The following MTMR8 variants were observed in gnomAD, a reference collection of about 807,000 sequenced individuals.
MTMR8 encodes the protein myotubularin related protein 8.
A neutral mutation model predicts 39.3 loss-of-function variants in MTMR8; 65 were observed. The ratio of observed to expected loss-of-function variants is 1.65; its 90% confidence interval spans 1.35 to 2.03. The LOEUF is 2.03. Ranked by LOEUF, MTMR8 falls within the 30% of genes most tolerant of loss-of-function variation. The probability of loss-of-function intolerance (pLI) is 0.00; values close to 1 mark genes in which losing one functional copy is unlikely to be tolerated. For synonymous variants in MTMR8, 245 were observed against 185.2 expected (o/e 1.32, Z -2.62); for missense variants, 777 against 538.9 (o/e 1.44, Z -4.37).
chrX:64,362,472 A>G (rs1383957522), intron 1 of MTMR8, among the ~76,000 whole-genome samples: 2 of 48,441 alleles, frequency 4.1e-5, no homozygotes, highest in African/African-American at 9.9e-5. Flanking sequence ...ACTATTGCAG[A>G]AAAAAAAAAA....
rs1490137168 is a variant in MTMR8, at chrX:64,308,920, G to A, written c.1481+19852C>T. ...AAAGCTGAGTTGATTATATTTCTGTGGGTCAATTTCTGGGCTCTCCATTCT... is the reference window on the plus strand; with the variant it reads ...AAAGCTGAGTTGATTATATTTCTGTAGGTCAATTTCTGGGCTCTCCATTCT... On this transcript the variant is annotated intron_variant, in intron 12 of 13. Coordinates refer to ENST00000374852, the MANE Select transcript of MTMR8 (RefSeq NM_017677.4). 2.7e-5 allele frequency among the ~76,000 whole-genome samples: 3 copies of A among 111,643 alleles called. No individual in the cohort carries two copies. The East Asian group carries it at 8.4e-4, about 31-fold the overall frequency.
In MTMR8 at chrX:64,375,897, G is replaced by A. The variant is rs375263093; in HGVS notation, c.25-16370C>T. Among the ~76,000 whole-genome samples, 10 of 111,890 alleles carry A rather than the reference G, an allele frequency of 8.9e-5. No individual in the cohort carries two copies. The East Asian group carries it at 2.8e-3, about 32-fold the overall frequency. ...GGACAGGCCTGGTGGGAGGTGACTG[G>A]ATCATGAGGGTGGACTTCCCCCTTG... On this transcript the variant is annotated intron_variant, in intron 1 of 13. Transcript: ENST00000374852.
At chrX:64,320,361 G>A (rs1387309576) in intron 12 of MTMR8, among the ~76,000 whole-genome samples, 2 of 110,763 alleles carry the variant, frequency 1.8e-5, no homozygotes, top group Non-Finnish European at 3.8e-5. Flanking sequence ...CGGCCTTGGA[G>A]ATGGTAGTCT....
At chrX:64,385,351 G>C (rs1924531147) in intron 1 of MTMR8, among the ~76,000 whole-genome samples, 1 of 111,592 alleles carries the variant, frequency 9.0e-6, no homozygotes, top group Non-Finnish European at 1.9e-5. Flanking sequence ...TCATCTTCCT[G>C]TCTTCCTCTG....
intron 1 of MTMR8, among the ~76,000 whole-genome samples, chrX:64,381,755 T>C (rs1390626581): frequency 9.0e-6 from 1 of 111,669 alleles, no homozygotes; most frequent in Non-Finnish European, 1.9e-5. Flanking sequence ...TTTAAGTCTT[T>C]AATCCATCTT....
chrX:64,297,229 C>T (rs1372409687), intron 12 of MTMR8, among the ~76,000 whole-genome samples: 1 of 98,927 alleles, frequency 1.0e-5, no homozygotes. Context: ...TCTCCACATC[C>T]TCTCCAGCAC....
Position 64,283,287 on chromosome X carries a change from G to A in MTMR8, c.1482-12214C>T, listed in dbSNP as rs186830222. On this transcript the variant is annotated intron_variant, in intron 12 of 13. Transcript: ENST00000374852. ...CAGTGAGGCTAGGGGAGGGGTGCCC[G>A]CCATTGCTGAGGATTCAGTAAGTAA... Among the ~76,000 whole-genome samples the A allele has an allele frequency of 3.4e-4, 38 of 111,902 alleles. 1 individual carries two copies. The highest frequency in any genetic ancestry group is 3.0e-3 in the Admixed American group (32 of 10,559).
intron 12 of MTMR8, among the ~76,000 whole-genome samples, chrX:64,297,863 C>G (rs1168695407): frequency 1.4e-4 from 15 of 107,704 alleles, no homozygotes; most frequent in South Asian, 4.2e-4. Flanking sequence ...GCTTGTTTTT[C>G]TCAGGTTTGT....
chrX:64,366,675 C>T (rs1169317560), intron 1 of MTMR8, among the ~76,000 whole-genome samples: 5 of 111,159 alleles, frequency 4.5e-5, no homozygotes, highest in African/African-American at 1.3e-4. Context: ...AATTTGACAC[C>T]CTAACATCAC....
chrX:64,370,265 T>C (rs1924092593), intron 1 of MTMR8, among the ~76,000 whole-genome samples: 1 of 111,199 alleles, frequency 9.0e-6, no homozygotes, highest in Non-Finnish European at 1.9e-5. Flanking sequence ...TTGTATGATG[T>C]TGGCCTCTTT....
At chrX:64,339,451 G>A (rs190111682) in intron 8 of MTMR8, among the ~76,000 whole-genome samples, 434 of 111,636 alleles carry the variant, frequency 3.9e-3, no homozygotes, top group African/African-American at 0.014. Context: ...TAAGACCTCT[G>A]GAAGAGCAAT....
intron 2 of MTMR8, 121 bp from the exon 3 acceptor site, chrX:64,356,459 C>T (rs1923629221): frequency 3.4e-6 from 2 of 591,230 alleles, no homozygotes; most frequent in Non-Finnish European, 2.6e-6. Flanking sequence ...CATCTACAGC[C>T]TACAACCATT....
At chrX:64,364,038 G>T (rs757472430) in intron 1 of MTMR8, among the ~76,000 whole-genome samples, 4 of 107,435 alleles carry the variant, frequency 3.7e-5, no homozygotes, top group African/African-American at 1.0e-4. Flanking sequence ...GCAGGGGGAG[G>T]GGTGTCCACC....
intron 1 of MTMR8, among the ~76,000 whole-genome samples, chrX:64,387,303 C>T (rs928479615): frequency 1.8e-4 from 20 of 111,022 alleles, no homozygotes; most frequent in Non-Finnish European, 3.4e-4. Flanking sequence ...AGATGCTCAA[C>T]AAGAGGAAAA....
chrX:64,285,717 G>T (rs1921144656), intron 12 of MTMR8, among the ~76,000 whole-genome samples: 1 of 111,779 alleles, frequency 8.9e-6, no homozygotes, highest in Non-Finnish European at 1.9e-5. Context: ...ACCTGCTCCT[G>T]AATGACTACT....
chrX:64,346,986 C>T (rs1923362895), intron 6 of MTMR8, among the ~76,000 whole-genome samples: 1 of 111,209 alleles, frequency 9.0e-6, no homozygotes, highest in South Asian at 3.8e-4. Flanking sequence ...CTCATTACAG[C>T]CTCTCAAAAT....
At chrX:64,309,538 TAG>T (rs773589032) in intron 12 of MTMR8, among the ~76,000 whole-genome samples, 1 of 111,903 alleles carries the variant, frequency 8.9e-6, no homozygotes, top group South Asian at 3.7e-4. Flanking sequence ...CATCTGCAAA[TAG>T]AGACAGTTTT....
chrX:64,281,502 A>C (rs1932012771), intron 12 of MTMR8, among the ~76,000 whole-genome samples: 1 of 112,189 alleles, frequency 8.9e-6, no homozygotes, highest in African/African-American at 3.2e-5. Context: ...AGCCATTTGC[A>C]GAAAACTGAA....
chrX:64,271,619 G>A (rs1054019261), intron 12 of MTMR8, among the ~76,000 whole-genome samples: 1 of 112,417 alleles, frequency 8.9e-6, no homozygotes, highest in African/African-American at 3.2e-5. Context: ...CAGTGCCATA[G>A]GATCAGGAGG....
Sources: gnomAD v4.1 joint callset for allele counts (sites outside exome capture counted in the v4.1 genomes callset) on GRCh38, gnomAD v4.1.1 for gene constraint, MANE v1.5 for transcripts, NCBI Gene and HGNC (gene_info 2026-07-23, HGNC 2026-07-21) for gene names.